Variants in EFCAB14 observed in about 807,000 individuals in gnomAD.
EFCAB14 encodes EF-hand calcium binding domain 14.
Under a neutral mutation model 56.5 loss-of-function variants are expected in EFCAB14, and 43 were observed. That is an observed-to-expected ratio of 0.76 (90% CI 0.60 to 0.98). The LOEUF (loss-of-function observed/expected upper bound fraction) is 0.98. Ranked by LOEUF, EFCAB14 falls within the 50% of genes least tolerant of loss-of-function variation. The pLI, the probability that EFCAB14 is intolerant of heterozygous loss-of-function variation, is 0.00. For synonymous variants in EFCAB14, 235 were observed against 212.9 expected, an observed-to-expected ratio of 1.10 and a Z score of -0.90; for missense variants, 538 against 580.3, an observed-to-expected ratio of 0.93 and a Z score of 0.75.
intron 4 of EFCAB14, 53 bp from the exon 5 acceptor site, chr1:46,691,990 T>C: frequency 5.4e-6 from 7 of 1,296,514 alleles, no homozygotes; most frequent in South Asian, 2.5e-5. Context: ...ACAACTGACA[T>C]GCAATAAACT....
At chr1:46,699,190 T>C (rs1448831731) in intron 3 of EFCAB14, among the ~76,000 whole-genome samples, 1 of 152,194 alleles carries the variant, frequency 6.6e-6, no homozygotes, top group African/African-American at 2.4e-5. Flanking sequence ...AGGATATCAA[T>C]GCAAGCTGAA....
chr1:46,688,698 C>T (rs186280687), intron 6 of EFCAB14, among the ~76,000 whole-genome samples, 154 bp from the exon 7 acceptor site: 10 of 152,296 alleles, frequency 6.6e-5, no homozygotes, highest in African/African-American at 2.4e-4. Context: ...CTTTGTCCCT[C>T]GCACTCTAAA....
chr1:46,704,284 C>G (rs1161673031), intron 3 of EFCAB14, among the ~76,000 whole-genome samples: 2 of 150,966 alleles, frequency 1.3e-5, no homozygotes, highest in Non-Finnish European at 3.0e-5. Flanking sequence ...GACCCTGTCT[C>G]TATAAAAAAG....
chr1:46,701,905 A>T (rs1677164335), intron 3 of EFCAB14, among the ~76,000 whole-genome samples: 1 of 152,240 alleles, frequency 6.6e-6, no homozygotes, highest in Non-Finnish European at 1.5e-5. Flanking sequence ...CTCTTCAGTA[A>T]AATAATGCCA....
chr1:46,703,343 C>A (rs544229517), intron 3 of EFCAB14, among the ~76,000 whole-genome samples: 1 of 152,148 alleles, frequency 6.6e-6, no homozygotes, highest in African/African-American at 2.4e-5. Context: ...CTCCTGACCT[C>A]GTGATCCACC....
Position 46,678,122 on chromosome 1 carries a change from TTCTC to T in EFCAB14, c.*335_*338del, listed in dbSNP as rs1326432169. 5.8e-6 allele frequency: 1 copy of T among 173,000 alleles called. No individual in the cohort carries two copies. The highest frequency in any genetic ancestry group is 6.3e-5 in the Admixed American group (1 of 15,910). The allele number at this position is 173,000 out of a possible 1,614,324, so 10.7% of individuals were successfully genotyped here. ...TTAAGTGAAATATAAAAGTGGCTTA[TTCTC>T]TCTCTATATACATTTCCCAGCTTTA... On this transcript the variant is annotated 3_prime_UTR_variant, in exon 11 of 11. Transcript: ENST00000371933.
intron 4 of EFCAB14, among the ~76,000 whole-genome samples, chr1:46,694,126 T>C (rs1248799730): frequency 6.6e-6 from 1 of 152,174 alleles, no homozygotes; most frequent in Non-Finnish European, 1.5e-5. Context: ...ATAAAAACCC[T>C]AGAAGAAAAC....
intron 3 of EFCAB14, among the ~76,000 whole-genome samples, chr1:46,704,900 CTT>C (rs11443920): frequency 4.0e-5 from 6 of 150,056 alleles, no homozygotes; most frequent in African/African-American, 1.2e-4. Flanking sequence ...AAACTAATGG[CTT>C]TTTTTTCAGA....
chr1:46,693,966 CA>C (rs1677037846), intron 4 of EFCAB14, among the ~76,000 whole-genome samples: 1 of 151,902 alleles, frequency 6.6e-6, no homozygotes, highest in East Asian at 1.9e-4. Flanking sequence ...CTGACAAAAA[CA>C]AAAAATGGGA....
At chr1:46,694,117 T>C (rs2148844224) in intron 4 of EFCAB14, among the ~76,000 whole-genome samples, 1 of 151,354 alleles carries the variant, frequency 6.6e-6, no homozygotes, top group East Asian at 1.9e-4. Flanking sequence ...CCTAAAACCA[T>C]AAAAACCCTA....
chr1:46,701,201 A>G (rs1677150933), intron 3 of EFCAB14, among the ~76,000 whole-genome samples: 1 of 152,198 alleles, frequency 6.6e-6, no homozygotes, highest in African/African-American at 2.4e-5. Context: ...AAAGGGTTTG[A>G]TGGGTTTTCT....
chr1:46,710,812 T>C (rs933466605), intron 2 of EFCAB14, among the ~76,000 whole-genome samples: 3 of 152,100 alleles, frequency 2.0e-5, no homozygotes, highest in Admixed American at 2.0e-4. Flanking sequence ...TCAGCCTCCT[T>C]AGTTGTTGGG....
At chr1:46,711,309 A>G (rs1677304681) in intron 2 of EFCAB14, among the ~76,000 whole-genome samples, 1 of 152,228 alleles carries the variant, frequency 6.6e-6, no homozygotes, top group Non-Finnish European at 1.5e-5. Context: ...CATCCAACAA[A>G]CATCTGCCAT....
At chr1:46,700,330 A>G (rs930501175) in intron 3 of EFCAB14, among the ~76,000 whole-genome samples, 9 of 152,244 alleles carry the variant, frequency 5.9e-5, no homozygotes, top group South Asian at 4.1e-4. Flanking sequence ...ATAAGCACTA[A>G]AACATGCAAT....
intron 6 of EFCAB14, 80 bp downstream of exon 6, chr1:46,689,507 C>T: frequency 7.2e-7 from 1 of 1,384,988 alleles, no homozygotes; most frequent in Non-Finnish European, 1.0e-6. Flanking sequence ...TGCTGAGACA[C>T]CAAACACTAA....
rs200512269 is a variant in EFCAB14 at position 46,688,516 on chromosome 1, T to C, written c.824A>G (p.Glu275Gly). 65 of 1,613,610 alleles carry C rather than the reference T, an allele frequency of 4.0e-5. No homozygotes were observed. The highest frequency in any genetic ancestry group is 5.4e-5 in the Non-Finnish European group (64 of 1,179,712). The change falls in exon 7 of 11, where the codon GAG (glutamate) becomes GGG (glycine). Residue 275 changes from glutamate (E) to glycine (G), a missense_variant. Physicochemically the swap from Glu to Gly is moderately conservative, Grantham distance 98 (BLOSUM62 -2). Coordinates refer to ENST00000371933, the MANE Select transcript of EFCAB14 (RefSeq NM_014774.3). ...QDILYLHNSL[E>G]EVNSALVGYQ... ...CCCCACTAGGGCACTGTTTACCTCCTCTAAAGAGTTGTGAAGGTACAGGAT... is the reference window on the plus strand; with the variant it reads ...CCCCACTAGGGCACTGTTTACCTCCCCTAAAGAGTTGTGAAGGTACAGGAT...
intron 3 of EFCAB14, among the ~76,000 whole-genome samples, chr1:46,698,422 C>T (rs1677106685): frequency 2.0e-5 from 3 of 152,010 alleles, no homozygotes; most frequent in South Asian, 2.1e-4. Context: ...AGCAGACAGA[C>T]ACTTTTATAT....
rs1677428422 is a variant in EFCAB14 at position 46,718,225 on chromosome 1, G to A, written c.-138C>T. The stretch of plus-strand genomic sequence containing the variant: ...GAGCCCCCTGGTCACTCCCACCTAG[G>A]GGTGGGACTGACCAGATCCGCCAGG... On this transcript the variant is annotated 5_prime_UTR_variant, in exon 1 of 11. Coordinates refer to ENST00000371933, the MANE Select transcript of EFCAB14 (RefSeq NM_014774.3). 2.5e-6 allele frequency: 2 copies of A among 802,160 alleles called. No individual in the cohort carries two copies. The highest frequency in any genetic ancestry group is 2.5e-4 in the Middle Eastern group (1 of 3,998). 49.7% of individuals were successfully genotyped at this position (802,160 alleles called of 1,614,324 possible).
rs1368797682 is a variant in EFCAB14 at position 46,691,956 on chromosome 1, G to A, written c.580-19C>T. ...CTACACTCTGAATGGAAACATATAG[G>A]AAGGTGTAAAAAAGCTTTAAGAGAC... is the stretch of plus-strand genomic sequence containing the variant. On this transcript the variant is annotated intron_variant, in intron 4 of 10. Transcript: ENST00000371933. 3 of 1,594,626 alleles carry A rather than the reference G, an allele frequency of 1.9e-6. No homozygotes were observed. Among genetic ancestry groups the A allele is most frequent in the Admixed American group, 1.7e-5 (1 of 57,542 alleles).
Sources: gnomAD v4.1 joint callset for allele counts (sites outside exome capture counted in the v4.1 genomes callset) on GRCh38, gnomAD v4.1.1 for gene constraint, MANE v1.5 for transcripts, NCBI Gene and HGNC (gene_info 2026-07-23, HGNC 2026-07-21) for gene names.